The following TENT4A variants were observed in gnomAD, a reference collection of about 807,000 sequenced individuals.
TENT4A encodes terminal nucleotidyltransferase 4A.
TENT4A carries 7 observed loss-of-function variants against 72.8 expected under a neutral mutation model. That is an observed-to-expected ratio of 0.10 (90% CI 0.05 to 0.18). The LOEUF is 0.18. Ranked by LOEUF, TENT4A falls within the 10% of genes least tolerant of loss-of-function variation. The pLI, the probability that TENT4A is intolerant of heterozygous loss-of-function variation, is 1.00. For missense variants in TENT4A, 831 were observed against 1,017.7 expected (o/e 0.82, Z 2.50); for synonymous variants, 456 against 434.3 (o/e 1.05, Z -0.62).
At chr5:6,734,639 C>T (rs534279928) in intron 1 of TENT4A, among the ~76,000 whole-genome samples, 2 of 152,366 alleles carry the variant, frequency 1.3e-5, no homozygotes, top group African/African-American at 4.8e-5. Flanking sequence ...ATATTTGTTA[C>T]AGCAGTTGCT....
intron 11 of TENT4A, among the ~76,000 whole-genome samples, chr5:6,751,857 C>T (rs1742423909): frequency 6.6e-6 from 1 of 152,112 alleles, no homozygotes; most frequent in African/African-American, 2.4e-5. Context: ...TAGGTACATG[C>T]AAAAGTGTTT....
In TENT4A at chr5:6,713,723, G is replaced by T; in HGVS notation, c.-261G>T. On this transcript the variant is annotated 5_prime_UTR_variant, in exon 1 of 13. Coordinates refer to ENST00000230859, the MANE Select transcript of TENT4A (RefSeq NM_006999.6). ...GCCCGGAGACCGCAGCCGCCCGCTGGGACGCGCCAAGCGCCGGAGCCGCCC... is the reference window on the plus strand; with the variant it reads ...GCCCGGAGACCGCAGCCGCCCGCTGTGACGCGCCAAGCGCCGGAGCCGCCC... 1 of 146,048 alleles carries T rather than the reference G, an allele frequency of 6.8e-6. No homozygotes were observed. The highest frequency in any genetic ancestry group is 1.8e-4 in the South Asian group (1 of 5,616). The allele number at this position is 146,048 out of a possible 1,614,324, so 9.0% of individuals were successfully genotyped here. A position where few individuals can be genotyped will look rare whatever the true frequency, so the allele number is the denominator to read the frequency against.
rs751682563 is a variant in TENT4A, at chr5:6,752,868, C to T, written c.2020-5C>T. 41 of 1,610,178 alleles carry T rather than the reference C, an allele frequency of 2.5e-5. No homozygotes were observed. The Middle Eastern group carries it at 6.6e-4, about 26-fold the overall frequency. On this transcript the variant is annotated splice_polypyrimidine_tract_variant and splice_region_variant and intron_variant, in intron 11 of 12. Transcript: ENST00000230859. The stretch of plus-strand genomic sequence containing the variant: ...ACCCATGGCCGTCTCTCATTTTGTT[C>T]CTAGACCAGGTTTACTATACCTCCA...
chr5:6,718,272 A>G (rs957331123), intron 1 of TENT4A, among the ~76,000 whole-genome samples: 1 of 152,158 alleles, frequency 6.6e-6, no homozygotes, highest in African/African-American at 2.4e-5. Flanking sequence ...GTTTTTCTCA[A>G]TTCTTTCTTG....
At chr5:6,718,937 CT>C (rs1161404624) in intron 1 of TENT4A, among the ~76,000 whole-genome samples, 1 of 151,022 alleles carries the variant, frequency 6.6e-6, no homozygotes, top group Non-Finnish European at 1.5e-5. Flanking sequence ...ATTAAACTGG[CT>C]GGGAATGAGA....
intron 1 of TENT4A, among the ~76,000 whole-genome samples, chr5:6,721,131 G>A (rs1579450224): frequency 6.6e-6 from 1 of 152,216 alleles, no homozygotes; most frequent in East Asian, 1.9e-4. Context: ...CCTCAGGGAA[G>A]GAGGGGCTGT....
In TENT4A at chr5:6,753,026, C is replaced by T. The variant is rs767541651; in HGVS notation, c.2173C>T (p.Leu725=). The change falls in exon 12 of 13, where the codon CTG becomes TTG. Residue 725 remains leucine (L), a synonymous_variant. Transcript: ENST00000230859. The part of the protein sequence containing the change: ...ASPNPLSSPH[L]YHKQHNGMKL... Reference sequence around the variant, plus strand: ...CCCCAACCCGCTCTCGAGCCCTCATCTGTATCATAAGGTATAGCTCTGTCC... The same window carrying T: ...CCCCAACCCGCTCTCGAGCCCTCATTTGTATCATAAGGTATAGCTCTGTCC... 1.2e-6 allele frequency: 2 copies of T among 1,614,078 alleles called. No individual in the cohort carries two copies. The highest frequency in any genetic ancestry group is 3.3e-5 in the Admixed American group (2 of 60,020).
At chr5:6,725,177 C>T (rs1050115319) in intron 1 of TENT4A, among the ~76,000 whole-genome samples, 2 of 152,046 alleles carry the variant, frequency 1.3e-5, no homozygotes, top group East Asian at 1.9e-4. Context: ...AAAAATTATC[C>T]GGGCGTGATG....
chr5:6,714,539 G>T lies in TENT4A; in HGVS notation c.556G>T (p.Gly186Cys). The T allele has an allele frequency of 8.4e-7, 1 of 1,195,878 alleles. No individual in the cohort carries two copies. Among genetic ancestry groups the T allele is most frequent in the Non-Finnish European group, 1.0e-6 (1 of 964,702 alleles). The allele number at this position is 1,195,878 out of a possible 1,614,324, so 74.1% of individuals were successfully genotyped here. Residue 186 changes from glycine (G) to cysteine (C), a missense_variant, in exon 1 of 13, where the codon GGT (glycine) becomes TGT (cysteine). Coordinates refer to ENST00000230859, the MANE Select transcript of TENT4A (RefSeq NM_006999.6). ...GSPSQHQFHPGRRKRENKAST... is the reference protein window; with the variant it reads ...GSPSQHQFHPCRRKRENKAST... ...CCCGTCGCAGCACCAGTTCCACCCGGGTCGCCGGAAACGCGAGAACAAGGC... is the reference window on the plus strand; with the variant it reads ...CCCGTCGCAGCACCAGTTCCACCCGTGTCGCCGGAAACGCGAGAACAAGGC...
intron 4 of TENT4A, among the ~76,000 whole-genome samples, chr5:6,740,851 C>T (rs541930315): frequency 1.8e-4 from 27 of 152,342 alleles, no homozygotes; most frequent in Admixed American, 2.0e-4. Flanking sequence ...CAAATGCTTA[C>T]GGGCCTTATT....
At chr5:6,722,547 G>GTTTTTTTTTTTTT (rs55840324) in intron 1 of TENT4A, among the ~76,000 whole-genome samples, 1 of 123,264 alleles carries the variant, frequency 8.1e-6, no homozygotes, top group African/African-American at 3.1e-5. Context: ...GCATTTGTTA[G>GTTTTTTTTTTTTT]TTTTTTTTTT....
intron 1 of TENT4A, among the ~76,000 whole-genome samples, chr5:6,724,445 CATT>C (rs1469088954): frequency 6.6e-6 from 1 of 152,136 alleles, no homozygotes; most frequent in African/African-American, 2.4e-5. Context: ...TCTAAAGTGT[CATT>C]ATGAGTTACC....
chr5:6,737,567 A>T lies in TENT4A; in HGVS notation c.774A>T (p.Ala258=). 1 of 1,614,018 alleles carries T rather than the reference A, an allele frequency of 6.2e-7. No homozygotes were observed. Among genetic ancestry groups the T allele is most frequent in the Non-Finnish European group, 8.5e-7 (1 of 1,179,926 alleles). ...TCATGTCCCCTTGTCCTGAAGAAGCAGCTATGAGAAGAGAGGTGGTGAAAC... is the reference window on the plus strand; with the variant it reads ...TCATGTCCCCTTGTCCTGAAGAAGCTGCTATGAGAAGAGAGGTGGTGAAAC... ...YNFMSPCPEE[A]AMRREVVKRI... is the part of the protein sequence containing the mutation. The change falls in exon 2 of 13, where the codon GCA becomes GCT. Residue 258 remains alanine, a synonymous_variant. Transcript: ENST00000230859.
intron 5 of TENT4A, among the ~76,000 whole-genome samples, chr5:6,743,373 C>T (rs1741922567): frequency 6.6e-6 from 1 of 152,168 alleles, no homozygotes. Context: ...CCGGAGGCCC[C>T]CACTGTCCTC....
At chr5:6,724,866 C>A (rs1429605425) in intron 1 of TENT4A, among the ~76,000 whole-genome samples, 2 of 152,174 alleles carry the variant, frequency 1.3e-5, no homozygotes, top group African/African-American at 4.8e-5. Context: ...TCTCCTGCCA[C>A]CCTCCTGGGA....
intron 1 of TENT4A, among the ~76,000 whole-genome samples, chr5:6,727,479 G>T (rs60775028): frequency 2.6e-5 from 4 of 152,146 alleles, no homozygotes. Flanking sequence ...CCATGGAGAC[G>T]GGTACACTCA....
intron 1 of TENT4A, among the ~76,000 whole-genome samples, chr5:6,723,426 C>T (rs1456862507): frequency 6.6e-6 from 1 of 152,156 alleles, no homozygotes; most frequent in South Asian, 2.1e-4. Context: ...TGGCTTAGCT[C>T]TCTGCACGAG....
At chr5:6,722,412 A>G (rs1265373334) in intron 1 of TENT4A, among the ~76,000 whole-genome samples, 1 of 152,216 alleles carries the variant, frequency 6.6e-6, no homozygotes, top group Non-Finnish European at 1.5e-5. Flanking sequence ...GAAAACTGCT[A>G]AAGACTGAAT....
intron 1 of TENT4A, among the ~76,000 whole-genome samples, chr5:6,721,279 A>G (rs1740633796): frequency 6.6e-6 from 1 of 152,234 alleles, no homozygotes; most frequent in African/African-American, 2.4e-5. Context: ...TTCATAAACC[A>G]AATGCTAAGG....
Sources: gnomAD v4.1 joint callset for allele counts (sites outside exome capture counted in the v4.1 genomes callset) on GRCh38, gnomAD v4.1.1 for gene constraint, MANE v1.5 for transcripts, NCBI Gene and HGNC (gene_info 2026-07-23, HGNC 2026-07-21) for gene names.